FHIT: variants seen among roughly 807,000 people sequenced by gnomAD.
The protein encoded by FHIT is fragile histidine triad diadenosine triphosphatase.
A neutral mutation model predicts 17.9 loss-of-function variants in FHIT; 19 were observed. The ratio of observed to expected loss-of-function variants is 1.06; its 90% CI spans 0.74 to 1.56. FHIT has a LOEUF of 1.56. FHIT is among the 40% of genes most tolerant of loss of function. The pLI is 0.00. For synonymous variants in FHIT, 81 were observed against 69.7 expected, an observed-to-expected ratio of 1.16 and a Z score of -0.81; for missense variants, 248 against 189.2, an observed-to-expected ratio of 1.31 and a Z score of -1.82.
chr3:59,881,807 T>C (rs1703421301), intron 8 of FHIT, among the ~76,000 whole-genome samples: 1 of 152,208 alleles, frequency 6.6e-6, no homozygotes, highest in African/African-American at 2.4e-5. Context: ...TTGATTAATA[T>C]ATGGTGTAAC....
intron 4 of FHIT, among the ~76,000 whole-genome samples, chr3:60,778,033 G>A (rs1700264907): frequency 6.6e-6 from 1 of 152,184 alleles, no homozygotes; most frequent in South Asian, 2.1e-4. Flanking sequence ...AGAACTAAGA[G>A]AGGTAAACAG....
intron 7 of FHIT, among the ~76,000 whole-genome samples, chr3:59,971,085 A>T (rs1575790708): frequency 6.6e-6 from 1 of 151,838 alleles, no homozygotes; most frequent in East Asian, 1.9e-4. Flanking sequence ...TTAGGACAAA[A>T]TTTTTTTCTT....
chr3:59,939,102 A>G (rs1437936202), intron 7 of FHIT, among the ~76,000 whole-genome samples: 3 of 152,174 alleles, frequency 2.0e-5, no homozygotes, highest in Non-Finnish European at 4.4e-5. Context: ...CCCAGCACCA[A>G]CCCTCATTTT....
rs1438266522 is a variant in FHIT, at chr3:60,228,087, A to G, written c.104-213935T>C. ...AAAACAGATGACCCTATCACTCCAG[A>G]CTGTCCTTCATAATGGCAACAACAA... On this transcript the variant is annotated intron_variant, in intron 5 of 9. Transcript: ENST00000492590. Among the ~76,000 whole-genome samples the G allele has an allele frequency of 2.0e-5, 3 of 152,160 alleles. No individual in the cohort carries two copies. The East Asian group carries it at 5.8e-4, about 29-fold the overall frequency.
intron 8 of FHIT, among the ~76,000 whole-genome samples, chr3:59,871,315 T>G (rs144291002): frequency 6.6e-6 from 1 of 152,300 alleles, no homozygotes; most frequent in South Asian, 2.1e-4. Flanking sequence ...TTTGATCTTA[T>G]AGATAACCTG....
At chr3:60,008,891 T>C (rs1700022730) in intron 7 of FHIT, among the ~76,000 whole-genome samples, 1 of 152,208 alleles carries the variant, frequency 6.6e-6, no homozygotes, top group African/African-American at 2.4e-5. Flanking sequence ...CACTCAATAT[T>C]TTATCATCAT....
intron 4 of FHIT, among the ~76,000 whole-genome samples, chr3:60,595,341 G>A (rs782328602): frequency 2.0e-5 from 3 of 151,010 alleles, no homozygotes; most frequent in Non-Finnish European, 2.9e-5. Context: ...GAAGGCAATT[G>A]TACAGGATTA....
chr3:59,752,390 G>A lies in FHIT; in HGVS notation c.349-69C>T, dbSNP rs78168437. On this transcript the variant is annotated intron_variant, in intron 8 of 9. Transcript: ENST00000492590. The stretch of plus-strand genomic sequence containing the variant: ...GGATCTCCTTGAACAAATTTCGGGG[G>A]GCTGGGGGAGACTGAACAAAATTTG... 4.9e-3 allele frequency: 6,136 copies of A among 1,261,358 alleles called. 169 individuals are homozygous for A. In the East Asian group the frequency reaches 0.068, roughly 14 times the overall value. 78.1% of individuals were successfully genotyped at this position (1,261,358 alleles called of 1,614,324 possible). A position where few individuals can be genotyped will look rare whatever the true frequency, so the allele number is the denominator to read the frequency against.
chr3:61,207,922 G>A (rs907321781), intron 1 of FHIT, among the ~76,000 whole-genome samples: 1 of 152,074 alleles, frequency 6.6e-6, no homozygotes, highest in Non-Finnish European at 1.5e-5. Context: ...GGCACTTTTA[G>A]ATCTTTCCTG....
intron 8 of FHIT, among the ~76,000 whole-genome samples, chr3:59,869,027 C>T (rs1381123101): frequency 6.6e-6 from 1 of 152,064 alleles, no homozygotes; most frequent in Non-Finnish European, 1.5e-5. Flanking sequence ...ATACTATGAC[C>T]AGTAAACCAC....
chr3:59,981,693 G>A (rs1258756761), intron 7 of FHIT, among the ~76,000 whole-genome samples: 1 of 152,072 alleles, frequency 6.6e-6, no homozygotes, highest in Non-Finnish European at 1.5e-5. Context: ...TTCTTATGGA[G>A]TCTCTCGAAT....
chr3:61,249,787 G>C (rs1171129219), intron 1 of FHIT, among the ~76,000 whole-genome samples: 1 of 151,928 alleles, frequency 6.6e-6, no homozygotes, highest in African/African-American at 2.4e-5. Context: ...TATACAAATG[G>C]GAAATGTAGT....
At chr3:60,148,350 T>C (rs942952274) in intron 5 of FHIT, among the ~76,000 whole-genome samples, 1 of 152,312 alleles carries the variant, frequency 6.6e-6, no homozygotes, top group East Asian at 1.9e-4. Context: ...CAGCAATTGT[T>C]TGAAAATAGG....
chr3:59,840,642 T>A (rs1180671939), intron 8 of FHIT, among the ~76,000 whole-genome samples: 1 of 152,116 alleles, frequency 6.6e-6, no homozygotes, highest in African/African-American at 2.4e-5. Flanking sequence ...CTTGCCTCAA[T>A]CCTCAAAATG....
intron 5 of FHIT, among the ~76,000 whole-genome samples, chr3:60,173,167 T>A (rs1016099519): frequency 6.6e-6 from 1 of 152,166 alleles, no homozygotes; most frequent in Non-Finnish European, 1.5e-5. Context: ...TTAAACAGAC[T>A]GTCCCATCCA....
intron 3 of FHIT, among the ~76,000 whole-genome samples, chr3:60,893,529 TTACTC>T (rs556989784): frequency 1.7e-4 from 26 of 152,324 alleles, no homozygotes; most frequent in Non-Finnish European, 3.4e-4. Flanking sequence ...TATTTACTGA[TTACTC>T]TACTCTGTAG....
intron 4 of FHIT, among the ~76,000 whole-genome samples, chr3:60,736,680 T>G (rs2042139169): frequency 6.6e-6 from 1 of 152,206 alleles, no homozygotes; most frequent in Admixed American, 6.5e-5. Context: ...GGGGTTTCTT[T>G]TCAGAGTGAT....
At chr3:60,524,299 T>TG (rs1237086602) in intron 5 of FHIT, among the ~76,000 whole-genome samples, 2 of 151,560 alleles carry the variant, frequency 1.3e-5, no homozygotes, top group South Asian at 2.1e-4. Context: ...GAACGTCATG[T>TG]GGTAGGGGTG....
At chr3:60,526,137 T>TACACACACACACACACACACACACAC (rs59137290) in intron 5 of FHIT, among the ~76,000 whole-genome samples, 30 of 148,158 alleles carry the variant, frequency 2.0e-4, no homozygotes, top group African/African-American at 6.0e-4. Context: ...ACACAACACA[T>TACACACACACACACACACACACACAC]ACACACACAC....
Sources: gnomAD v4.1 joint callset for allele counts (sites outside exome capture counted in the v4.1 genomes callset) on GRCh38, gnomAD v4.1.1 for gene constraint, MANE v1.5 for transcripts, NCBI Gene and HGNC (gene_info 2026-07-23, HGNC 2026-07-21) for gene names.